The following UGT1A10 variants were observed in gnomAD, a reference collection of about 807,000 sequenced individuals.
UGT1A10 encodes UDP glucuronosyltransferase family 1 member A10, also known as UDP-glucuronosyltransferase 1A10.
A neutral mutation model predicts 45.8 loss-of-function variants in UGT1A10; 49 were observed. The observed-to-expected ratio is 1.07, with a 90% CI of 0.85 to 1.36. The LOEUF is 1.36. Among genes scored for constraint, UGT1A10 ranks in the 40% most tolerant of loss-of-function variants. UGT1A10 has a pLI of 0.00. For synonymous variants in UGT1A10, 284 were observed against 249.7 expected, an observed-to-expected ratio of 1.14 and a Z score of -1.29; for missense variants, 745 against 668.6, an observed-to-expected ratio of 1.11 and a Z score of -1.26.
At chr2:233,750,117 G>T (rs1441169579) in intron 1 of UGT1A10, among the ~76,000 whole-genome samples, 2 of 151,904 alleles carry the variant, frequency 1.3e-5, no homozygotes, top group East Asian at 1.9e-4. Flanking sequence ...AAGACAGGAA[G>T]ATGTGGGAAA....
intron 1 of UGT1A10, among the ~76,000 whole-genome samples, chr2:233,717,070 C>T (rs1164354349): frequency 2.0e-5 from 3 of 152,106 alleles, no homozygotes; most frequent in South Asian, 4.2e-4. Context: ...GTGCCAGACA[C>T]GTAACCAGAA....
intron 1 of UGT1A10, among the ~76,000 whole-genome samples, chr2:233,673,534 G>T (rs376384747): frequency 6.6e-6 from 1 of 152,120 alleles, no homozygotes; most frequent in African/African-American, 2.4e-5. Flanking sequence ...GGATTTCCAT[G>T]AATTGAGAAG....
At chr2:233,687,583 T>G in intron 1 of UGT1A10, among the ~76,000 whole-genome samples, 1 of 107,470 alleles carries the variant, frequency 9.3e-6, no homozygotes. Flanking sequence ...ACATTCTTTG[T>G]AAAAAAAAAA....
rs1247902787 is a variant in UGT1A10 at position 233,740,991 on chromosome 2, GAGGA to G, written c.856-26038_856-26035del. The G allele has an allele frequency of 1.6e-4, 25 of 151,764 alleles. 2 individuals are homozygous for G. Among genetic ancestry groups the G allele is most frequent in the African/African-American group, 6.1e-4 (25 of 41,070 alleles). 9.4% of individuals were successfully genotyped at this position (151,764 alleles called of 1,614,324 possible). A position where few individuals can be genotyped will look rare whatever the true frequency, so the allele number is the denominator to read the frequency against. ...AGTCCTAGCTACTGGGAATGCTGAGGAGGAAGGATCACTTGAGCCCAGGAATTCG... is the reference window on the plus strand; with the variant it reads ...AGTCCTAGCTACTGGGAATGCTGAGGAGGATCACTTGAGCCCAGGAATTCG... On this transcript the variant is annotated intron_variant, in intron 1 of 4. Coordinates refer to ENST00000344644, the MANE Select transcript of UGT1A10 (RefSeq NM_019075.4).
intron 1 of UGT1A10, chr2:233,690,543 G>A (rs1279045231): frequency 1.5e-5 from 19 of 1,289,462 alleles, no homozygotes; most frequent in Non-Finnish European, 1.9e-5. Context: ...CACCCCACTG[G>A]AATATGTCCC....
chr2:233,760,275 G>C (rs2125981686), intron 1 of UGT1A10: 1 of 1,612,542 alleles, frequency 6.2e-7, no homozygotes, highest in African/African-American at 1.3e-5. Context: ...CCTCTGGCAG[G>C]AGCAAAGGCG....
At chr2:233,665,636 G>C (rs972991310) in intron 1 of UGT1A10, among the ~76,000 whole-genome samples, 2 of 152,362 alleles carry the variant, frequency 1.3e-5, no homozygotes, top group African/African-American at 4.8e-5. Context: ...GGGCTCTGAG[G>C]TCTAAGGGCA....
At chr2:233,650,711 T>A (rs182122743) in intron 1 of UGT1A10, among the ~76,000 whole-genome samples, 1 of 152,360 alleles carries the variant, frequency 6.6e-6, no homozygotes, top group African/African-American at 2.4e-5. Flanking sequence ...GCAGAATTCA[T>A]GTTGTTTTGA....
intron 1 of UGT1A10, among the ~76,000 whole-genome samples, chr2:233,699,779 A>G (rs1414060236): frequency 6.6e-6 from 1 of 152,200 alleles, no homozygotes; most frequent in African/African-American, 2.4e-5. Context: ...TCTGTTCCCA[A>G]GTTTCCTCCT....
At chr2:233,760,547 A>T (rs533766461) in intron 1 of UGT1A10, 1 of 1,614,192 alleles carries the variant, frequency 6.2e-7, no homozygotes, top group African/African-American at 1.3e-5. Context: ...CAAAGGGAGG[A>T]TGTGAAAGAG....
At chr2:233,729,262 G>A in intron 1 of UGT1A10, 1 of 1,614,138 alleles carries the variant, frequency 6.2e-7, no homozygotes, top group Non-Finnish European at 8.5e-7. Flanking sequence ...CAGCATGCGG[G>A]AGGTCTTGCG....
At chr2:233,682,023 T>C in intron 1 of UGT1A10, 1 of 1,614,128 alleles carries the variant, frequency 6.2e-7, no homozygotes. Flanking sequence ...GGGAAGCTGC[T>C]GGTAGTGCCC....
At chr2:233,767,405 A>G (rs1699388437) in intron 2 of UGT1A10, among the ~76,000 whole-genome samples, 1 of 152,206 alleles carries the variant, frequency 6.6e-6, no homozygotes, top group Admixed American at 6.5e-5. Flanking sequence ...ATTTTCTCTA[A>G]GAGACTCAAA....
At chr2:233,758,130 G>A (rs1468544509) in intron 1 of UGT1A10, among the ~76,000 whole-genome samples, 2 of 152,174 alleles carry the variant, frequency 1.3e-5, no homozygotes, top group African/African-American at 4.8e-5. Flanking sequence ...ATAAATATTT[G>A]GCAGATGAGG....
At chr2:233,658,170 C>T (rs962000535) in intron 1 of UGT1A10, among the ~76,000 whole-genome samples, 1 of 151,920 alleles carries the variant, frequency 6.6e-6, no homozygotes, top group African/African-American at 2.4e-5. Flanking sequence ...AGGTGCACAC[C>T]ACCATGCCCA....
intron 1 of UGT1A10, among the ~76,000 whole-genome samples, chr2:233,695,073 G>C (rs1470813496): frequency 6.6e-6 from 1 of 151,628 alleles, no homozygotes; most frequent in Non-Finnish European, 1.5e-5. Flanking sequence ...TCGCACTTTG[G>C]ACTTACTCAT....
chr2:233,719,330 G>GT, intron 1 of UGT1A10: 2 of 1,613,866 alleles, frequency 1.2e-6, no homozygotes, highest in Non-Finnish European at 8.5e-7. Context: ...TTCCTGCTGT[G>GT]TTTTTTTGGA....
At chr2:233,671,241 G>A (rs1052742930) in intron 1 of UGT1A10, among the ~76,000 whole-genome samples, 2 of 152,152 alleles carry the variant, frequency 1.3e-5, no homozygotes, top group African/African-American at 4.8e-5. Flanking sequence ...AGGATTGGGC[G>A]GGCAACTTCC....
chr2:233,713,326 G>C (rs17864695), intron 1 of UGT1A10: 6 of 1,614,218 alleles, frequency 3.7e-6, no homozygotes, highest in Non-Finnish European at 5.1e-6. Context: ...AAATTTTCTA[G>C]AAGAATGGCA....
Sources: gnomAD v4.1 joint callset for allele counts (sites outside exome capture counted in the v4.1 genomes callset) on GRCh38, gnomAD v4.1.1 for gene constraint, MANE v1.5 for transcripts, NCBI Gene and HGNC (gene_info 2026-07-23, HGNC 2026-07-21) for gene names.